The following ATXN7L1 variants were observed in gnomAD, a reference collection of about 807,000 sequenced individuals.
ATXN7L1 encodes the protein ataxin 7 like 1, also known as ataxin-7-like protein 1.
Under a neutral mutation model 70.8 loss-of-function variants are expected in ATXN7L1, and 15 were observed. The ratio of observed to expected loss-of-function variants is 0.21; its 90% CI spans 0.14 to 0.33. The LOEUF is 0.33. ATXN7L1 is among the 10% of genes least tolerant of loss of function. The probability of loss-of-function intolerance (pLI) is 1.00; values close to 1 mark genes in which losing one functional copy is unlikely to be tolerated. For synonymous variants in ATXN7L1, 440 were observed against 445.1 expected, an observed-to-expected ratio of 0.99 and a Z score of 0.14; for missense variants, 975 against 1,097.1, an observed-to-expected ratio of 0.89 and a Z score of 1.57.
chr7:105,754,980 T>C (rs1214963981), intron 3 of ATXN7L1, among the ~76,000 whole-genome samples: 1 of 152,162 alleles, frequency 6.6e-6, no homozygotes. Context: ...GACATAAATG[T>C]TGTGTTTTAG....
chr7:105,798,627 C>G (rs557613210), intron 2 of ATXN7L1, among the ~76,000 whole-genome samples: 2 of 152,226 alleles, frequency 1.3e-5, no homozygotes, highest in Non-Finnish European at 2.9e-5. Flanking sequence ...TCTTCCCCAC[C>G]CTATCATTCA....
chr7:105,683,100 C>T (rs960894158), intron 3 of ATXN7L1, among the ~76,000 whole-genome samples: 1 of 152,138 alleles, frequency 6.6e-6, no homozygotes, highest in Non-Finnish European at 1.5e-5. Flanking sequence ...AGGCAGCCAG[C>T]AGGATACAGC....
At chr7:105,756,620 AATGT>A (rs1799833206) in intron 3 of ATXN7L1, among the ~76,000 whole-genome samples, 2 of 152,222 alleles carry the variant, frequency 1.3e-5, no homozygotes. Flanking sequence ...AAGCTCACCA[AATGT>A]AATAAATATA....
chr7:105,747,471 T>C (rs1256422574), intron 3 of ATXN7L1, among the ~76,000 whole-genome samples: 2 of 152,222 alleles, frequency 1.3e-5, no homozygotes, highest in Non-Finnish European at 2.9e-5. Flanking sequence ...CCTTGCCTTA[T>C]GTATCTCTTT....
At chr7:105,740,967 T>C (rs1249549619) in intron 3 of ATXN7L1, among the ~76,000 whole-genome samples, 2 of 151,940 alleles carry the variant, frequency 1.3e-5, no homozygotes, top group Admixed American at 6.6e-5. Flanking sequence ...GTTTTCACCA[T>C]GTTAGCCAGG....
At chr7:105,750,803 G>A (rs567407645) in intron 3 of ATXN7L1, among the ~76,000 whole-genome samples, 7 of 151,788 alleles carry the variant, frequency 4.6e-5, no homozygotes, top group Middle Eastern at 3.4e-3. Flanking sequence ...ACTCTGTCTC[G>A]AAAAAAACAA....
At chr7:105,826,797 A>G (rs1810934733) in intron 2 of ATXN7L1, among the ~76,000 whole-genome samples, 1 of 152,232 alleles carries the variant, frequency 6.6e-6, no homozygotes, top group East Asian at 1.9e-4. Flanking sequence ...GTTTTTATAC[A>G]GGTGAACAGA....
At chr7:105,772,335 A>G (rs1038654826) in intron 3 of ATXN7L1, among the ~76,000 whole-genome samples, 2 of 152,160 alleles carry the variant, frequency 1.3e-5, no homozygotes, top group African/African-American at 4.8e-5. Context: ...AGGCCTCCCA[A>G]AGTGCTGGGA....
chr7:105,817,737 C>T (rs369700301), intron 2 of ATXN7L1, among the ~76,000 whole-genome samples: 18 of 152,266 alleles, frequency 1.2e-4, no homozygotes, highest in East Asian at 3.9e-4. Flanking sequence ...TGCAACACAG[C>T]GAGACCGCTA....
Position 105,614,406 on chromosome 7 carries a change from T to G in ATXN7L1, c.1928A>C (p.Lys643Thr). 6.4e-7 allele frequency: 1 copy of G among 1,551,898 alleles called. No individual in the cohort carries two copies. Among genetic ancestry groups the G allele is most frequent in the Non-Finnish European group, 8.7e-7 (1 of 1,146,952 alleles). ...STRSDESPSNKKRKPQSSTSS... is the reference protein window; with the variant it reads ...STRSDESPSNTKRKPQSSTSS... ...AGTCGAAGACTGTGGCTTCCTTTTT[T>G]TGTTACTTGGAGACTCGTCGCTACG... The change falls in exon 10 of 12, where the codon AAA becomes ACA. Residue 643 changes from lysine (K) to threonine (T), a missense_variant. This residue lies in a region of ATXN7L1 where 635 missense variants were observed against 699.4 expected (regional missense o/e 0.91). Coordinates refer to ENST00000419735, the MANE Select transcript of ATXN7L1 (RefSeq NM_020725.2). This position sits in a 1 kb window ranked among gnomAD's most constrained non-coding sequence, Gnocchi z 4.3.
intron 3 of ATXN7L1, among the ~76,000 whole-genome samples, chr7:105,780,502 C>G (rs1803366289): frequency 6.6e-6 from 1 of 152,068 alleles, no homozygotes; most frequent in Admixed American, 6.5e-5. Flanking sequence ...GAAAAAAAAT[C>G]TAATCCTCTC....
intron 3 of ATXN7L1, among the ~76,000 whole-genome samples, chr7:105,727,765 T>TATATATATATATATATA: frequency 1.1e-5 from 1 of 92,622 alleles, no homozygotes; most frequent in East Asian, 4.2e-4. Flanking sequence ...TATATATATA[T>TATATATATATATATATA]ATATATATAT....
chr7:105,768,386 A>C (rs1046707233), intron 3 of ATXN7L1, among the ~76,000 whole-genome samples: 2 of 152,162 alleles, frequency 1.3e-5, no homozygotes, highest in Admixed American at 6.5e-5. Context: ...CTCTCTCCAG[A>C]TCGCTTTCTC....
At chr7:105,760,939 A>G (rs917802657) in intron 3 of ATXN7L1, 1 of 174,794 alleles carries the variant, frequency 5.7e-6, no homozygotes, top group African/African-American at 2.4e-5. Context: ...CCCAGACCAC[A>G]CAAGACTTTG....
At chr7:105,752,748 G>A (rs971595558) in intron 3 of ATXN7L1, among the ~76,000 whole-genome samples, 3 of 152,286 alleles carry the variant, frequency 2.0e-5, no homozygotes, top group Non-Finnish European at 4.4e-5. Context: ...CTAAAATGTG[G>A]CTTTTCTCAT....
chr7:105,736,519 C>T (rs1003418224), intron 3 of ATXN7L1, among the ~76,000 whole-genome samples: 46 of 152,248 alleles, frequency 3.0e-4, no homozygotes, highest in African/African-American at 1.1e-3. Flanking sequence ...TTGTGGAACA[C>T]GTTTAAGGCT....
chr7:105,841,820 A>G (rs1174651823), intron 2 of ATXN7L1, among the ~76,000 whole-genome samples: 1 of 152,234 alleles, frequency 6.6e-6, no homozygotes, highest in Non-Finnish European at 1.5e-5. Flanking sequence ...TGGTAGACAC[A>G]GGGTTTAGTA....
chr7:105,654,481 C>A (rs1800315355), intron 4 of ATXN7L1, among the ~76,000 whole-genome samples: 2 of 152,254 alleles, frequency 1.3e-5, no homozygotes, highest in African/African-American at 4.8e-5. Flanking sequence ...TCAGGCAACA[C>A]CGAGGGTGGT....
intron 3 of ATXN7L1, among the ~76,000 whole-genome samples, chr7:105,698,416 G>A (rs996753427): frequency 6.6e-6 from 1 of 152,284 alleles, no homozygotes; most frequent in African/African-American, 2.4e-5. Context: ...CCAGGCTAGA[G>A]TGCTGTGGTG....
Sources: gnomAD v4.1 joint callset for allele counts (sites outside exome capture counted in the v4.1 genomes callset) on GRCh38, gnomAD v4.1.1 for gene constraint, gnomAD v4.1.1 regional missense constraint, Gnocchi (gnomAD v3.1) non-coding constraint, MANE v1.5 for transcripts, NCBI Gene and HGNC (gene_info 2026-07-23, HGNC 2026-07-21) for gene names.